DGKI: variants seen among roughly 807,000 people sequenced by gnomAD.
The protein encoded by DGKI is DAG kinase iota.
DGKI carries 55 observed loss-of-function variants against 147.5 expected under a neutral mutation model. That is an observed-to-expected ratio of 0.37 (90% CI 0.30 to 0.47). The LOEUF (loss-of-function observed/expected upper bound fraction) is 0.47, where lower values mean the gene tolerates loss of function less well. Among genes scored for constraint, DGKI ranks in the 20% least tolerant of loss-of-function variants. The pLI is 1.00. For synonymous variants in DGKI, 469 were observed against 477.1 expected, an observed-to-expected ratio of 0.98 and a Z score of 0.22; for missense variants, 1,007 against 1,323.8, an observed-to-expected ratio of 0.76 and a Z score of 3.71.
intron 15 of DGKI, among the ~76,000 whole-genome samples, chr7:137,579,418 A>G (rs182680794): frequency 6.6e-6 from 1 of 150,626 alleles, no homozygotes; most frequent in African/African-American, 2.5e-5. Flanking sequence ...GGGGGAAAAT[A>G]CAAATGAACA....
intron 21 of DGKI, among the ~76,000 whole-genome samples, chr7:137,488,158 C>T (rs367866877): frequency 1.6e-4 from 24 of 152,272 alleles, no homozygotes; most frequent in East Asian, 1.2e-3. Context: ...ATGCAGACAA[C>T]TTCATCTTTT....
intron 1 of DGKI, among the ~76,000 whole-genome samples, chr7:137,691,798 GTTTTTTTTT>G (rs796902464): frequency 0.054 from 5,168 of 95,926 alleles, 384 homozygotes; most frequent in African/African-American, 0.18. Context: ...AGACCTTTGG[GTTTTTTTTT>G]TTTTTTTTTT....
chr7:137,570,840 C>T (rs185004157), intron 19 of DGKI, among the ~76,000 whole-genome samples: 5 of 152,246 alleles, frequency 3.3e-5, no homozygotes, highest in Admixed American at 6.5e-5. Flanking sequence ...CCACCCACCT[C>T]GGCCTCCCAA....
At chr7:137,589,426 C>T (rs1247358781) in intron 12 of DGKI, among the ~76,000 whole-genome samples, 3 of 152,218 alleles carry the variant, frequency 2.0e-5, no homozygotes, top group South Asian at 4.1e-4. Context: ...GTCCACTTCC[C>T]TAAACTGGGG....
intron 27 of DGKI, chr7:137,454,675 T>TGCC (rs1814114738): frequency 6.6e-6 from 1 of 152,088 alleles, no homozygotes; most frequent in South Asian, 2.1e-4. Flanking sequence ...GCAATATAGT[T>TGCC]GCCAGCCCAC....
At chr7:137,400,251 G>A (rs1669030) in intron 30 of DGKI, among the ~76,000 whole-genome samples, 146,192 of 152,334 alleles carry the variant, frequency 0.96, 70,440 homozygotes, top group East Asian at 1. Context: ...AGTGCCTGTC[G>A]CCTTCAGTGA....
At chr7:137,509,410 G>T (rs544117936) in intron 21 of DGKI, among the ~76,000 whole-genome samples, 1 of 152,304 alleles carries the variant, frequency 6.6e-6, no homozygotes, top group East Asian at 1.9e-4. Context: ...GCATATGAGA[G>T]AGATACGAAG....
intron 1 of DGKI, among the ~76,000 whole-genome samples, chr7:137,832,036 A>G (rs557098646): frequency 7.2e-5 from 11 of 152,310 alleles, no homozygotes; most frequent in African/African-American, 2.6e-4. Flanking sequence ...GTGCTGATAC[A>G]AGAGATGGGT....
chr7:137,438,898 C>T (rs2128914851), intron 28 of DGKI, among the ~76,000 whole-genome samples: 1 of 152,200 alleles, frequency 6.6e-6, no homozygotes, highest in Admixed American at 6.5e-5. Context: ...CACATATACA[C>T]ACATATAGGA....
At chr7:137,655,825 T>C (rs1378095134) in intron 4 of DGKI, among the ~76,000 whole-genome samples, 1 of 152,212 alleles carries the variant, frequency 6.6e-6, no homozygotes, top group Non-Finnish European at 1.5e-5. Flanking sequence ...CATTAAAATG[T>C]AGTGGGAAGT....
At chr7:137,469,408 C>T (rs777126343) in intron 24 of DGKI, 142 bp downstream of exon 24, 18 of 744,946 alleles carry the variant, frequency 2.4e-5, no homozygotes, top group Admixed American at 1.4e-4. Context: ...CACATTGTTC[C>T]GCATGCCAAT....
chr7:137,738,448 T>C (rs1485964181), intron 1 of DGKI, among the ~76,000 whole-genome samples: 1 of 152,178 alleles, frequency 6.6e-6, no homozygotes, highest in Non-Finnish European at 1.5e-5. Context: ...CTATTTTCAC[T>C]ACCAAAGAAT....
intron 1 of DGKI, among the ~76,000 whole-genome samples, chr7:137,732,802 C>T (rs1256661865): frequency 6.6e-6 from 1 of 151,934 alleles, no homozygotes; most frequent in Non-Finnish European, 1.5e-5. Flanking sequence ...CTCCCCGCCC[C>T]ACATAGTCTC....
At chr7:137,804,114 C>A (rs1797294074) in intron 1 of DGKI, among the ~76,000 whole-genome samples, 1 of 152,148 alleles carries the variant, frequency 6.6e-6, no homozygotes, top group Non-Finnish European at 1.5e-5. Context: ...CTCCAGTACC[C>A]AGCAAATGCC....
At chr7:137,536,103 T>C (rs912889320) in intron 20 of DGKI, among the ~76,000 whole-genome samples, 1 of 152,106 alleles carries the variant, frequency 6.6e-6, no homozygotes, top group African/African-American at 2.4e-5. Context: ...TATGATTGGA[T>C]TAAAATATAT....
chr7:137,645,273 C>A (rs1252597559), intron 6 of DGKI, among the ~76,000 whole-genome samples, 199 bp downstream of exon 6: 1 of 152,236 alleles, frequency 6.6e-6, no homozygotes, highest in Admixed American at 6.5e-5. Flanking sequence ...TGTGCTAATT[C>A]TTTTTATTAA....
chr7:137,625,769 A>G (rs962272987), intron 6 of DGKI, among the ~76,000 whole-genome samples: 2 of 151,630 alleles, frequency 1.3e-5, no homozygotes, highest in Non-Finnish European at 2.9e-5. Flanking sequence ...AAGACAGAAA[A>G]GAAACTTTTT....
intron 1 of DGKI, among the ~76,000 whole-genome samples, chr7:137,810,852 C>G (rs1176264059): frequency 6.6e-6 from 1 of 152,088 alleles, no homozygotes; most frequent in Non-Finnish European, 1.5e-5. Context: ...GGTGGCCCCA[C>G]TCAAATATAC....
At chr7:137,657,373 C>T (rs566110912) in intron 3 of DGKI, among the ~76,000 whole-genome samples, 2 of 152,238 alleles carry the variant, frequency 1.3e-5, no homozygotes, top group South Asian at 4.2e-4. Context: ...CACAATTCGG[C>T]CTCTCTGACA....
Sources: allele counts gnomAD v4.1 joint callset (sites outside exome capture counted in the v4.1 genomes callset), GRCh38; gene constraint gnomAD v4.1.1; transcripts MANE v1.5; gene names NCBI Gene and HGNC (gene_info 2026-07-23, HGNC 2026-07-21).